PTPRN2: variants seen among roughly 807,000 people sequenced by gnomAD.
The protein encoded by PTPRN2 is receptor-type tyrosine-protein phosphatase N2.
A neutral mutation model predicts 118.8 loss-of-function variants in PTPRN2; 74 were observed. The observed-to-expected ratio is 0.62, with a 90% CI of 0.52 to 0.76. The LOEUF (loss-of-function observed/expected upper bound fraction) is 0.76, where lower values mean the gene tolerates loss of function less well. Ranked by LOEUF, PTPRN2 falls within the 30% of genes least tolerant of loss-of-function variation. The pLI, the probability that PTPRN2 is intolerant of heterozygous loss-of-function variation, is 0.00. For missense variants in PTPRN2, 1,481 were observed against 1,394.4 expected, an observed-to-expected ratio of 1.06 and a Z score of -0.99; for synonymous variants, 641 against 608.0, an observed-to-expected ratio of 1.05 and a Z score of -0.80.
At chr7:158,311,813 G>A (rs1292905614) in intron 3 of PTPRN2, among the ~76,000 whole-genome samples, 4 of 152,140 alleles carry the variant, frequency 2.6e-5, no homozygotes, top group Admixed American at 6.5e-5. Context: ...ATGCTCACGT[G>A]TAGACACCCA....
At chr7:158,190,981 C>T (rs1354765323) in intron 5 of PTPRN2, among the ~76,000 whole-genome samples, 7 of 152,268 alleles carry the variant, frequency 4.6e-5, no homozygotes, top group Admixed American at 2.6e-4. Context: ...CACAGAAGTG[C>T]CTCAGCTTCC....
At chr7:157,659,734 C>T (rs1266608971) in intron 13 of PTPRN2, among the ~76,000 whole-genome samples, 1 of 151,926 alleles carries the variant, frequency 6.6e-6, no homozygotes, top group Admixed American at 6.6e-5. Flanking sequence ...AAGGATAATT[C>T]TTTATTTTTT....
chr7:157,683,707 C>T (rs998773407), intron 12 of PTPRN2, among the ~76,000 whole-genome samples: 2 of 152,138 alleles, frequency 1.3e-5, no homozygotes, highest in African/African-American at 4.8e-5. Flanking sequence ...TATGAGAAAG[C>T]CCTTTCGGTG....
intron 11 of PTPRN2, among the ~76,000 whole-genome samples, chr7:158,055,458 C>T (rs1247677616): frequency 1.3e-5 from 2 of 152,196 alleles, no homozygotes; most frequent in Non-Finnish European, 2.9e-5. Context: ...AGACTCCACT[C>T]CTCCACCTCT....
In PTPRN2 at chr7:158,565,123, C is replaced by G. The variant is rs1451253714; in HGVS notation, c.112+22435G>C. Among the ~76,000 whole-genome samples the G allele has an allele frequency of 6.6e-6, 1 of 152,172 alleles. No individual in the cohort carries two copies. Among genetic ancestry groups the G allele is most frequent in the Non-Finnish European group, 1.5e-5 (1 of 68,032 alleles). On this transcript the variant is annotated intron_variant, in intron 1 of 22. Transcript: ENST00000389418. This position sits in a 1 kb window ranked among gnomAD's most constrained non-coding sequence, Gnocchi z 4.6. ...GGATGAAACAAACAAGGCATGGAGG[C>G]TTCTGCTCTATAAAACTATGAGGTT... is the stretch of plus-strand genomic sequence containing the variant.
chr7:157,635,455 G>A (rs953729079), intron 14 of PTPRN2, among the ~76,000 whole-genome samples: 2 of 152,250 alleles, frequency 1.3e-5, no homozygotes, highest in African/African-American at 4.8e-5. Flanking sequence ...CCATGAAGGC[G>A]TTTCGGACAA....
At chr7:157,857,349 C>T (rs1809786534) in intron 12 of PTPRN2, 1 of 152,106 alleles carries the variant, frequency 6.6e-6, no homozygotes, top group South Asian at 2.1e-4. Context: ...CATCACGGCA[C>T]CCGTTCACCC....
chr7:157,788,392 A>G lies in PTPRN2; in HGVS notation c.1789-105455T>C, dbSNP rs1043467572. 2.6e-5 allele frequency among the ~76,000 whole-genome samples: 4 copies of G among 150,956 alleles called. No homozygotes were observed. In the East Asian group the frequency reaches 7.9e-4, roughly 30 times the overall value. Reference sequence around the variant, plus strand: ...TCCATCTCAAAAAAAAAAAAAAAAAAGAAAGTACAGGAAGCTTTCAGCCTC... The same window carrying G: ...TCCATCTCAAAAAAAAAAAAAAAAAGGAAAGTACAGGAAGCTTTCAGCCTC... On this transcript the variant is annotated intron_variant, in intron 12 of 22. Transcript: ENST00000389418.
At chr7:157,580,527 C>T (rs1481436249) in intron 17 of PTPRN2, among the ~76,000 whole-genome samples, 1 of 146,336 alleles carries the variant, frequency 6.8e-6, no homozygotes, top group Non-Finnish European at 1.5e-5. Flanking sequence ...ACCCCAGCAC[C>T]TGCACACCCG....
intron 3 of PTPRN2, among the ~76,000 whole-genome samples, chr7:158,247,446 G>A (rs1796331382): frequency 6.6e-6 from 1 of 151,870 alleles, no homozygotes; most frequent in Non-Finnish European, 1.5e-5. Context: ...CGTCCCAGGT[G>A]TGCTCTTCTT....
At chr7:158,190,995 C>T (rs536492349) in intron 5 of PTPRN2, among the ~76,000 whole-genome samples, 1 of 152,278 alleles carries the variant, frequency 6.6e-6, no homozygotes, top group Non-Finnish European at 1.5e-5. Flanking sequence ...AGCTTCCTCA[C>T]CTGCCTGCAC....
intron 11 of PTPRN2, among the ~76,000 whole-genome samples, chr7:157,912,526 A>T (rs1436200086): frequency 6.6e-6 from 1 of 152,114 alleles, no homozygotes; most frequent in Non-Finnish European, 1.5e-5. Context: ...TAAGGTTTGC[A>T]TTTCTGGCAT....
At chr7:157,721,855 T>C (rs1799254829) in intron 12 of PTPRN2, among the ~76,000 whole-genome samples, 1 of 152,214 alleles carries the variant, frequency 6.6e-6, no homozygotes, top group Non-Finnish European at 1.5e-5. Context: ...TTCCATTTTA[T>C]TCATCGTGTT....
chr7:158,510,332 G>C (rs565807676), intron 1 of PTPRN2, among the ~76,000 whole-genome samples: 19 of 152,138 alleles, frequency 1.2e-4, no homozygotes, highest in Non-Finnish European at 2.1e-4. Context: ...CTCAGCCCAC[G>C]GCACCCACAC....
At chr7:158,046,488 C>T (rs1164101733) in intron 11 of PTPRN2, among the ~76,000 whole-genome samples, 1 of 152,248 alleles carries the variant, frequency 6.6e-6, no homozygotes, top group Admixed American at 6.5e-5. Context: ...GGCATCCTGA[C>T]ACTGTCTTGT....
At chr7:157,997,146 C>T (rs1204412237) in intron 11 of PTPRN2, among the ~76,000 whole-genome samples, 2 of 152,238 alleles carry the variant, frequency 1.3e-5, no homozygotes, top group African/African-American at 4.8e-5. Context: ...CTGATGGGGC[C>T]TGGGTCATGC....
intron 2 of PTPRN2, among the ~76,000 whole-genome samples, chr7:158,364,672 C>T (rs1809292837): frequency 1.3e-5 from 2 of 152,142 alleles, no homozygotes; most frequent in Admixed American, 6.5e-5. Flanking sequence ...AGCCCCAGAT[C>T]CCGGGAGTTT....
At chr7:158,379,068 G>C (rs1262334174) in intron 2 of PTPRN2, among the ~76,000 whole-genome samples, 1 of 152,036 alleles carries the variant, frequency 6.6e-6, no homozygotes, top group Non-Finnish European at 1.5e-5. Flanking sequence ...AGAAGTGCTG[G>C]GTTAGGACAG....
chr7:158,372,363 C>T (rs34127805), intron 2 of PTPRN2, among the ~76,000 whole-genome samples: 92,417 of 114,204 alleles, frequency 0.81, 38,932 homozygotes, highest in East Asian at 0.99. Flanking sequence ...TGGACACCCC[C>T]AGGCTGGACC....
Sources: gnomAD v4.1 joint callset for allele counts (sites outside exome capture counted in the v4.1 genomes callset) on GRCh38, gnomAD v4.1.1 for gene constraint, Gnocchi (gnomAD v3.1) non-coding constraint, MANE v1.5 for transcripts, NCBI Gene and HGNC (gene_info 2026-07-23, HGNC 2026-07-21) for gene names.